IQSEC1: variants seen among roughly 807,000 people sequenced by gnomAD.
IQSEC1 encodes IQ motif and Sec7 domain ArfGEF 1, also known as IQ motif and SEC7 domain-containing protein 1.
In IQSEC1, 31 loss-of-function variants were observed where a neutral mutation model predicts 91.0. The ratio of observed to expected loss-of-function variants is 0.34; its 90% CI spans 0.26 to 0.46. IQSEC1 has a LOEUF of 0.46. Ranked by LOEUF, IQSEC1 falls within the 20% of genes least tolerant of loss-of-function variation. IQSEC1 has a pLI of 1.00. For missense variants in IQSEC1, 1,388 were observed against 1,575.6 expected, an observed-to-expected ratio of 0.88 and a Z score of 2.02; for synonymous variants, 699 against 662.6, an observed-to-expected ratio of 1.05 and a Z score of -0.84.
At chr3:13,087,785 CTTGCACCTGG>C (rs1305840267) in intron 2 of IQSEC1, among the ~76,000 whole-genome samples, 1 of 152,182 alleles carries the variant, frequency 6.6e-6, no homozygotes, top group Non-Finnish European at 1.5e-5. Context: ...GGTCAAGGGG[CTTGCACCTGG>C]CAAGGGCCAC....
At chr3:13,176,609 C>G (rs1442340233) in intron 1 of IQSEC1, among the ~76,000 whole-genome samples, 1 of 152,172 alleles carries the variant, frequency 6.6e-6, no homozygotes. Context: ...GCCCTCTCAG[C>G]AGGGCACCAT....
intron 2 of IQSEC1, among the ~76,000 whole-genome samples, chr3:13,116,355 C>A (rs557054704): frequency 6.6e-6 from 1 of 152,330 alleles, no homozygotes; most frequent in South Asian, 2.1e-4. Flanking sequence ...TAGAAAGCAG[C>A]CACAGACAAT....
At chr3:13,274,320 G>A (rs357154) in intron 1 of IQSEC1, among the ~76,000 whole-genome samples, 92,786 of 152,088 alleles carry the variant, frequency 0.61, 29,020 homozygotes, top group East Asian at 0.94. Flanking sequence ...TCCTCGCAGG[G>A]CCAGCACTCC....
chr3:12,921,621 G>A (rs998494762), intron 5 of IQSEC1, among the ~76,000 whole-genome samples: 3 of 152,232 alleles, frequency 2.0e-5, no homozygotes, highest in African/African-American at 7.2e-5. Flanking sequence ...AAGAAATGAG[G>A]CACAGAGAAG....
chr3:13,133,472 G>A (rs540580748), intron 2 of IQSEC1, among the ~76,000 whole-genome samples: 4 of 152,280 alleles, frequency 2.6e-5, no homozygotes, highest in African/African-American at 7.2e-5. Context: ...AAATGTCAGC[G>A]AGGCAGACCA....
chr3:12,980,393 C>T (rs1431425872), intron 1 of IQSEC1, among the ~76,000 whole-genome samples: 1 of 152,242 alleles, frequency 6.6e-6, no homozygotes, highest in Non-Finnish European at 1.5e-5. Flanking sequence ...CGGACCACTT[C>T]AGGCTCCTGG....
chr3:12,900,180 GCAATA>G lies in IQSEC1; in HGVS notation c.*798_*802del. 1.0e-6 allele frequency: 1 copy of G among 971,932 alleles called. No individual in the cohort carries two copies. The highest frequency in any genetic ancestry group is 1.1e-4 in the East Asian group (1 of 8,766). 60.2% of individuals were successfully genotyped at this position (971,932 alleles called of 1,614,324 possible). ...TTAATAAAATAAGGATTTATACAAAGCAATACTGGACTTTTTAAACAGTTAGATGC... is the reference window on the plus strand; with the variant it reads ...TTAATAAAATAAGGATTTATACAAAGCTGGACTTTTTAAACAGTTAGATGC... On this transcript the variant is annotated 3_prime_UTR_variant, in exon 14 of 14. Coordinates refer to ENST00000613206, the MANE Select transcript of IQSEC1 (RefSeq NM_001134382.3).
chr3:13,192,657 C>T (rs1027653861), intron 1 of IQSEC1, among the ~76,000 whole-genome samples: 54 of 152,378 alleles, frequency 3.5e-4, no homozygotes, highest in African/African-American at 1.2e-3. Context: ...TGCATTCAGA[C>T]CACCAGCCTG....
At chr3:13,010,795 C>G (rs1190700794) in intron 1 of IQSEC1, among the ~76,000 whole-genome samples, 1 of 152,206 alleles carries the variant, frequency 6.6e-6, no homozygotes, top group African/African-American at 2.4e-5. Context: ...ACCCTGGGCT[C>G]TGGGCCCCAC....
At chr3:13,060,429 A>T (rs558933459) in intron 1 of IQSEC1, among the ~76,000 whole-genome samples, 1 of 152,258 alleles carries the variant, frequency 6.6e-6, no homozygotes, top group African/African-American at 2.4e-5. Context: ...GTTTGAAGTC[A>T]GCGGAGGCAG....
intron 2 of IQSEC1, among the ~76,000 whole-genome samples, chr3:13,130,341 CAAAAAA>C (rs58162524): frequency 5.4e-3 from 332 of 61,898 alleles, no homozygotes; most frequent in African/African-American, 0.013. Context: ...GAGACTCTGT[CAAAAAA>C]AAAAAAAAAA....
intron 3 of IQSEC1, among the ~76,000 whole-genome samples, chr3:12,931,111 C>T (rs999857347): frequency 6.6e-6 from 1 of 152,122 alleles, no homozygotes; most frequent in African/African-American, 2.4e-5. Context: ...GGAGAATCAC[C>T]CTCTGAAGTG....
chr3:12,914,326 C>T (rs1695860001), intron 8 of IQSEC1, among the ~76,000 whole-genome samples: 1 of 152,214 alleles, frequency 6.6e-6, no homozygotes, highest in Non-Finnish European at 1.5e-5. Context: ...TGCCCAGGTT[C>T]ATGCAGGATG....
At chr3:13,071,891 C>T (rs1298456812) in intron 1 of IQSEC1, among the ~76,000 whole-genome samples, 2 of 152,180 alleles carry the variant, frequency 1.3e-5, no homozygotes, top group Admixed American at 6.5e-5. Flanking sequence ...CGCCATCCCC[C>T]GTGGGTTGCC....
At chr3:12,957,849 C>T (rs1164421258) in intron 1 of IQSEC1, among the ~76,000 whole-genome samples, 1 of 152,264 alleles carries the variant, frequency 6.6e-6, no homozygotes, top group Non-Finnish European at 1.5e-5. Context: ...CACGTTTTTA[C>T]AGTCCATGAA....
At chr3:13,279,224 C>G (rs1432824481) in intron 1 of IQSEC1, among the ~76,000 whole-genome samples, 1 of 152,204 alleles carries the variant, frequency 6.6e-6, no homozygotes, top group African/African-American at 2.4e-5. Context: ...CAAATCTTTA[C>G]TGAGTGCCTA....
intron 1 of IQSEC1, among the ~76,000 whole-genome samples, chr3:13,230,951 G>T (rs1249359592): frequency 6.6e-6 from 1 of 152,208 alleles, no homozygotes; most frequent in Non-Finnish European, 1.5e-5. Context: ...ACATCATCTT[G>T]TTCCTTCTTA....
chr3:12,901,566 G>C, intron 13 of IQSEC1, 44 bp from the exon 14 acceptor site: 1 of 1,465,440 alleles, frequency 6.8e-7, no homozygotes, highest in Non-Finnish European at 9.3e-7. Flanking sequence ...AGATCTTCAA[G>C]CACTTAGGTC....
intron 2 of IQSEC1, among the ~76,000 whole-genome samples, chr3:13,101,704 G>A (rs376730366): frequency 9.9e-5 from 15 of 152,198 alleles, no homozygotes; most frequent in East Asian, 7.7e-4. Flanking sequence ...TATGATGTCT[G>A]TGGGGCCTCC....
Sources: allele counts gnomAD v4.1 joint callset (sites outside exome capture counted in the v4.1 genomes callset), GRCh38; gene constraint gnomAD v4.1.1; transcripts MANE v1.5; gene names NCBI Gene and HGNC (gene_info 2026-07-23, HGNC 2026-07-21).